Variants in GPSM2 observed in about 807,000 individuals in gnomAD.
GPSM2 encodes G protein signaling modulator 2, also known as G protein-signaling modulator 2.
A neutral mutation model predicts 78.4 loss-of-function variants in GPSM2; 58 were observed. That is an observed-to-expected ratio of 0.74 (90% CI 0.60 to 0.92). The LOEUF (loss-of-function observed/expected upper bound fraction) is 0.92, where lower values mean the gene tolerates loss of function less well. GPSM2 is among the 40% of genes least tolerant of loss of function. The pLI is 0.00. For synonymous variants in GPSM2, 224 were observed against 280.2 expected, an observed-to-expected ratio of 0.80 and a Z score of 2.00; for missense variants, 700 against 815.5, an observed-to-expected ratio of 0.86 and a Z score of 1.73.
At chr1:108,916,185 G>A (rs1650212235) in intron 11 of GPSM2, among the ~76,000 whole-genome samples, 1 of 151,808 alleles carries the variant, frequency 6.6e-6, no homozygotes, top group Non-Finnish European at 1.5e-5. Flanking sequence ...TTTGAGCCTG[G>A]GATGCAGAGG....
At chr1:108,927,806 TA>T (rs869143968) in intron 14 of GPSM2, among the ~76,000 whole-genome samples, 2 of 151,912 alleles carry the variant, frequency 1.3e-5, no homozygotes, top group African/African-American at 2.4e-5. Context: ...CCCATCTCTA[TA>T]AAAAAATTTT....
rs980668981 is a variant in GPSM2, at chr1:108,918,049, A to G, written c.1264-564A>G. 7.9e-5 allele frequency among the ~76,000 whole-genome samples: 12 copies of G among 152,256 alleles called. No individual in the cohort carries two copies. The South Asian group carries it at 2.5e-3, about 32-fold the overall frequency. ...TGCAAATGTCAGAGCTATTGTATGT[A>G]GTGCATATTTTTCCACTGTACTCAA... On this transcript the variant is annotated intron_variant, in intron 11 of 14. Coordinates refer to ENST00000264126, the MANE Select transcript of GPSM2 (RefSeq NM_013296.5).
chr1:108,901,715 TGA>T (rs1271465752), intron 7 of GPSM2, 73 bp from the exon 8 acceptor site: 57 of 1,103,632 alleles, frequency 5.2e-5, no homozygotes, highest in South Asian at 6.2e-5. Flanking sequence ...AGAGGAAAAA[TGA>T]GAGTTTTGTT....
In GPSM2 at chr1:108,893,425, C is replaced by T. The variant is rs186313309; in HGVS notation, c.57-3439C>T. Among the ~76,000 whole-genome samples the T allele has an allele frequency of 9.9e-5, 15 of 152,172 alleles. No homozygotes were observed. The East Asian group carries it at 2.9e-3, about 29-fold the overall frequency. ...TCATTAGTAATCCATTGTATAGTGG[C>T]GTGTAATTTTTTTTACCCAGTACTC... On this transcript the variant is annotated intron_variant, in intron 2 of 14. Coordinates refer to ENST00000264126, the MANE Select transcript of GPSM2 (RefSeq NM_013296.5).
intron 13 of GPSM2, among the ~76,000 whole-genome samples, chr1:108,923,253 T>C (rs4970816): frequency 0.36 from 54,344 of 151,878 alleles, 11,335 homozygotes; most frequent in African/African-American, 0.57. Flanking sequence ...AGGCTGGTCT[T>C]GAGCTCCTGG....
intron 2 of GPSM2, among the ~76,000 whole-genome samples, chr1:108,888,047 TTTTG>T (rs981765057): frequency 2.6e-5 from 4 of 152,052 alleles, no homozygotes; most frequent in Non-Finnish European, 4.4e-5. Context: ...GGGAATATGT[TTTTG>T]TTTTTGTTTT....
chr1:108,896,450 T>A lies in GPSM2; in HGVS notation c.57-414T>A, dbSNP rs17030708. On this transcript the variant is annotated intron_variant, in intron 2 of 14. Coordinates refer to ENST00000264126, the MANE Select transcript of GPSM2 (RefSeq NM_013296.5). ...TGAACAGGTGACTAGATTACTTGGATACCTGGGTAGAGAACAATATTAATA... is the reference window on the plus strand; with the variant it reads ...TGAACAGGTGACTAGATTACTTGGAAACCTGGGTAGAGAACAATATTAATA... 6.0e-3 allele frequency among the ~76,000 whole-genome samples: 920 copies of A among 152,236 alleles called. 5 individuals are homozygous for A. The highest frequency in any genetic ancestry group is 0.021 in the African/African-American group (862 of 41,552).
At chr1:108,879,334 C>G (rs528223111) in intron 1 of GPSM2, among the ~76,000 whole-genome samples, 2 of 152,298 alleles carry the variant, frequency 1.3e-5, no homozygotes, top group East Asian at 3.9e-4. Context: ...TGTTGGGCCT[C>G]TCTTATGTGC....
rs1439609717 is a variant in GPSM2 at position 108,923,893 on chromosome 1, G to A, written c.1601-107G>A. On this transcript the variant is annotated intron_variant, in intron 13 of 14. Coordinates refer to ENST00000264126, the MANE Select transcript of GPSM2 (RefSeq NM_013296.5). ...AGCAGGAGGGCAGGGCGGGTCTTGGGACTGGCAAGGCCGAAAAGATCTAGG... is the reference window on the plus strand; with the variant it reads ...AGCAGGAGGGCAGGGCGGGTCTTGGAACTGGCAAGGCCGAAAAGATCTAGG... 8 of 805,470 alleles carry A rather than the reference G, an allele frequency of 9.9e-6. No individual in the cohort carries two copies. In the Admixed American group the frequency reaches 1.2e-4, roughly 12 times the overall value. 49.9% of individuals were successfully genotyped at this position (805,470 alleles called of 1,614,324 possible). A position where few individuals can be genotyped will look rare whatever the true frequency, so the allele number is the denominator to read the frequency against.
At chr1:108,891,672 T>TA (rs1250258370) in intron 2 of GPSM2, among the ~76,000 whole-genome samples, 1 of 149,634 alleles carries the variant, frequency 6.7e-6, no homozygotes, top group South Asian at 2.1e-4. Flanking sequence ...TAATTTTTTT[T>TA]TTTTTTTTTT....
At chr1:108,910,628 G>A (rs1649656094) in intron 10 of GPSM2, among the ~76,000 whole-genome samples, 1 of 152,136 alleles carries the variant, frequency 6.6e-6, no homozygotes, top group Non-Finnish European at 1.5e-5. Flanking sequence ...ACTTTGGGAG[G>A]CTGAGGCGGG....
intron 10 of GPSM2, among the ~76,000 whole-genome samples, chr1:108,906,255 A>C (rs1017617139): frequency 6.6e-6 from 1 of 151,828 alleles, no homozygotes; most frequent in Non-Finnish European, 1.5e-5. Flanking sequence ...ATTTTATTTT[A>C]TTTTTAAAGA....
intron 2 of GPSM2, 25 bp from the exon 3 acceptor site, chr1:108,896,839 A>G (rs200819801): frequency 6.7e-6 from 10 of 1,494,416 alleles, no homozygotes; most frequent in African/African-American, 1.4e-5. Flanking sequence ...TTATGTTTAA[A>G]TGTCTGTCCT....
intron 11 of GPSM2, among the ~76,000 whole-genome samples, chr1:108,914,692 G>T (rs1650046963): frequency 1.3e-5 from 2 of 152,176 alleles, no homozygotes; most frequent in Admixed American, 6.5e-5. Context: ...CTGGGAAGAG[G>T]ACTGAGTGTC....
In GPSM2 at chr1:108,930,086, A is replaced by G. The variant is rs1257855908; in HGVS notation, c.*146A>G. On this transcript the variant is annotated 3_prime_UTR_variant, in exon 15 of 15. Coordinates refer to ENST00000264126, the MANE Select transcript of GPSM2 (RefSeq NM_013296.5). The stretch of plus-strand genomic sequence containing the variant: ...AATAGTTAACCTTCAGTAGTCTATT[A>G]AGGCATTAATACTTCTCTGGACATG... 5.2e-6 allele frequency: 4 copies of G among 766,566 alleles called. No individual in the cohort carries two copies. In the African/African-American group the frequency reaches 5.2e-5, roughly 10 times the overall value. 47.5% of individuals were successfully genotyped at this position (766,566 alleles called of 1,614,324 possible).
chr1:108,892,645 T>A (rs1648055161), intron 2 of GPSM2, among the ~76,000 whole-genome samples: 1 of 152,202 alleles, frequency 6.6e-6, no homozygotes, highest in Non-Finnish European at 1.5e-5. Flanking sequence ...CATGTGGGTA[T>A]GTTCTTTGTT....
At chr1:108,898,144 G>A in intron 5 of GPSM2, 43 bp downstream of exon 5, 1 of 1,582,740 alleles carries the variant, frequency 6.3e-7, no homozygotes, top group Non-Finnish European at 8.7e-7. Flanking sequence ...GCCCATCTAA[G>A]CCGTGGATCT....
chr1:108,904,061 C>A, intron 9 of GPSM2, 64 bp from the exon 10 acceptor site: 2 of 1,128,526 alleles, frequency 1.8e-6, no homozygotes, highest in Non-Finnish European at 2.7e-6. Flanking sequence ...ACTACATTTA[C>A]AAATAATCTT....
chr1:108,910,370 A>G (rs955030039), intron 10 of GPSM2, among the ~76,000 whole-genome samples: 4 of 150,948 alleles, frequency 2.6e-5, no homozygotes, highest in African/African-American at 9.8e-5. Context: ...AAAACTAATT[A>G]TAATACCTTA....
Sources: allele counts gnomAD v4.1 joint callset (sites outside exome capture counted in the v4.1 genomes callset), GRCh38; gene constraint gnomAD v4.1.1; transcripts MANE v1.5; gene names NCBI Gene and HGNC (gene_info 2026-07-23, HGNC 2026-07-21).